Variants in PLCB1 observed in about 807,000 individuals in gnomAD.
The protein encoded by PLCB1 is 1-phosphatidylinositol 4,5-bisphosphate phosphodiesterase beta-1.
Under a neutral mutation model 161.8 loss-of-function variants are expected in PLCB1, and 46 were observed. The observed-to-expected ratio is 0.28, with a 90% confidence interval of 0.22 to 0.36. PLCB1 has a LOEUF of 0.36. Ranked by LOEUF, PLCB1 falls within the 10% of genes least tolerant of loss-of-function variation. The pLI is 1.00. For synonymous variants in PLCB1, 517 were observed against 503.7 expected (o/e 1.03, Z -0.35); for missense variants, 1,016 against 1,472.5 (o/e 0.69, Z 5.07).
chr20:8,502,596 T>A (rs1407641951), intron 3 of PLCB1, among the ~76,000 whole-genome samples: 1 of 152,156 alleles, frequency 6.6e-6, no homozygotes, highest in Non-Finnish European at 1.5e-5. Context: ...ACAACTGCCT[T>A]CTTATAGATA....
intron 2 of PLCB1, among the ~76,000 whole-genome samples, chr20:8,199,125 T>C (rs1013184225): frequency 2.6e-5 from 4 of 152,140 alleles, no homozygotes; most frequent in African/African-American, 7.2e-5. Context: ...CTTTTAATAA[T>C]AGATATATTT....
intron 14 of PLCB1, among the ~76,000 whole-genome samples, chr20:8,722,153 C>T (rs1385886778): frequency 9.4e-5 from 3 of 31,970 alleles, no homozygotes; most frequent in African/African-American, 3.3e-4. Context: ...TTAACAAATC[C>T]AGTTTAGGAA....
intron 3 of PLCB1, among the ~76,000 whole-genome samples, chr20:8,411,925 A>T (rs1469380346): frequency 6.6e-6 from 1 of 152,114 alleles, no homozygotes; most frequent in Non-Finnish European, 1.5e-5. Flanking sequence ...TGAGAGACTG[A>T]GGCAGGAGAA....
chr20:8,741,610 C>A, intron 23 of PLCB1, 37 bp downstream of exon 23: 1 of 1,322,136 alleles, frequency 7.6e-7, no homozygotes, highest in Non-Finnish European at 1.1e-6. Flanking sequence ...TAGCATTAAG[C>A]ATGATCACCA....
At position 8,364,868 on chromosome 20, in the gene PLCB1, T is replaced by C. The variant is rs529559072; in HGVS notation, c.178-6514T>C. 4.6e-5 allele frequency among the ~76,000 whole-genome samples: 7 copies of C among 152,352 alleles called. No individual in the cohort carries two copies. The South Asian group carries it at 1.4e-3, about 32-fold the overall frequency. ...ACATAAAAGTGAAAATTAGTTTCTCTAGAAGTTTTCTCTATTACTTAGGTT... is the reference window on the plus strand; with the variant it reads ...ACATAAAAGTGAAAATTAGTTTCTCCAGAAGTTTTCTCTATTACTTAGGTT... On this transcript the variant is annotated intron_variant, in intron 2 of 31. Transcript: ENST00000338037.
intron 9 of PLCB1, among the ~76,000 whole-genome samples, chr20:8,661,293 C>T (rs1408699091): frequency 6.6e-6 from 1 of 152,102 alleles, no homozygotes; most frequent in Non-Finnish European, 1.5e-5. Flanking sequence ...CCCAACTTAT[C>T]ACTTAAGAAT....
intron 23 of PLCB1, among the ~76,000 whole-genome samples, chr20:8,754,459 T>C (rs1186123676): frequency 3.9e-5 from 6 of 152,026 alleles, no homozygotes; most frequent in Admixed American, 3.9e-4. Flanking sequence ...TTCCATTCTT[T>C]CCTCCATCAA....
chr20:8,675,453 A>T (rs1473781627), intron 9 of PLCB1, among the ~76,000 whole-genome samples: 1 of 152,122 alleles, frequency 6.6e-6, no homozygotes, highest in Non-Finnish European at 1.5e-5. Flanking sequence ...CATTAGAAAA[A>T]ATATAAAGAA....
intron 2 of PLCB1, among the ~76,000 whole-genome samples, chr20:8,209,330 C>A (rs1333510804): frequency 6.6e-6 from 1 of 151,908 alleles, no homozygotes; most frequent in Non-Finnish European, 1.5e-5. Flanking sequence ...GTTCAGTAAC[C>A]AAATGACTTT....
chr20:8,562,893 C>G (rs1252156910), intron 3 of PLCB1, among the ~76,000 whole-genome samples: 1 of 152,018 alleles, frequency 6.6e-6, no homozygotes, highest in Non-Finnish European at 1.5e-5. Flanking sequence ...AGGAAAAGTA[C>G]ATAACTGAGG....
intron 23 of PLCB1, among the ~76,000 whole-genome samples, chr20:8,744,616 T>TAAATAAAATAAAATAAAAATA (rs1981058555): frequency 8.2e-6 from 1 of 121,222 alleles, no homozygotes; most frequent in South Asian, 2.7e-4. Context: ...AAAAATAAAA[T>TAAATAAAATAAAATAAAAATA]AAATAAAATA....
intron 2 of PLCB1, among the ~76,000 whole-genome samples, chr20:8,275,016 T>C (rs1032870257): frequency 2.0e-5 from 3 of 152,192 alleles, no homozygotes; most frequent in Admixed American, 2.0e-4. Flanking sequence ...CATTCTCTCT[T>C]GTCTTTTAAA....
intron 3 of PLCB1, among the ~76,000 whole-genome samples, chr20:8,455,570 A>AG (rs1369583943): frequency 6.7e-6 from 1 of 150,002 alleles, no homozygotes; most frequent in African/African-American, 2.5e-5. Context: ...CCTCCCGAGT[A>AG]GCTGGGACTA....
intron 12 of PLCB1, among the ~76,000 whole-genome samples, chr20:8,712,533 T>C (rs1371123558): frequency 1.3e-5 from 2 of 152,224 alleles, no homozygotes; most frequent in Non-Finnish European, 2.9e-5. Context: ...CTTGAAAATA[T>C]ATTTTTAAAA....
chr20:8,781,674 G>A (rs749646329), intron 27 of PLCB1, among the ~76,000 whole-genome samples: 19 of 152,248 alleles, frequency 1.2e-4, no homozygotes, highest in Non-Finnish European at 2.2e-4. Context: ...TACCCAAACT[G>A]TGAGGTTTAA....
In PLCB1 at chr20:8,647,897, C is replaced by T; in HGVS notation, c.465-3C>T. Reference sequence around the variant, plus strand: ...AACCCTTGTTTTTCTGCTTCTCCAACAGCTATACTAAACTTAAGCTGCAAG... The same window carrying T: ...AACCCTTGTTTTTCTGCTTCTCCAATAGCTATACTAAACTTAAGCTGCAAG... On this transcript the variant is annotated splice_region_variant and splice_polypyrimidine_tract_variant and intron_variant, in intron 5 of 31. Transcript: ENST00000338037. 6.2e-7 allele frequency: 1 copy of T among 1,608,316 alleles called. No individual in the cohort carries two copies. The highest frequency in any genetic ancestry group is 1.1e-5 in the South Asian group (1 of 90,348).
chr20:8,844,987 G>A (rs369092367), intron 31 of PLCB1, among the ~76,000 whole-genome samples: 18 of 151,940 alleles, frequency 1.2e-4, no homozygotes, highest in African/African-American at 2.7e-4. Flanking sequence ...GGTGGTGGGC[G>A]CCTGTAGTCC....
chr20:8,768,657 G>A (rs1386674810), intron 26 of PLCB1, among the ~76,000 whole-genome samples: 1 of 152,110 alleles, frequency 6.6e-6, no homozygotes, highest in Non-Finnish European at 1.5e-5. Context: ...ACTCATTGAG[G>A]CCAAGTAACC....
chr20:8,656,408 G>T (rs1260655791), intron 7 of PLCB1, among the ~76,000 whole-genome samples: 2 of 151,806 alleles, frequency 1.3e-5, no homozygotes, highest in African/African-American at 4.8e-5. Context: ...TTTGTTTAAG[G>T]GCTTGAAAAA....
Sources: gnomAD v4.1 joint callset for allele counts (sites outside exome capture counted in the v4.1 genomes callset) on GRCh38, gnomAD v4.1.1 for gene constraint, MANE v1.5 for transcripts, NCBI Gene and HGNC (gene_info 2026-07-23, HGNC 2026-07-21) for gene names.